The following DAGLB variants were observed in gnomAD, a reference collection of about 807,000 sequenced individuals.
DAGLB encodes the protein diacylglycerol lipase beta.
DAGLB carries 66 observed loss-of-function variants against 72.1 expected under a neutral mutation model. The observed-to-expected ratio is 0.92, with a 90% CI of 0.75 to 1.12. The LOEUF is 1.12. Among genes scored for constraint, DAGLB ranks in the 50% most tolerant of loss-of-function variants. The probability of loss-of-function intolerance (pLI) is 0.00; values close to 1 mark genes in which losing one functional copy is unlikely to be tolerated. For missense variants in DAGLB, 1,065 were observed against 884.9 expected (o/e 1.20, Z -2.58); for synonymous variants, 414 against 359.5 (o/e 1.15, Z -1.71).
chr7:6,436,672 G>A, intron 2 of DAGLB, 139 bp from the exon 3 acceptor site: 1 of 1,004,884 alleles, frequency 1.0e-6, no homozygotes, highest in Non-Finnish European at 1.5e-6. Flanking sequence ...CTTATAATTG[G>A]TAATCAGCAC....
intron 9 of DAGLB, among the ~76,000 whole-genome samples, chr7:6,420,899 AC>A (rs1383983796): frequency 6.6e-6 from 1 of 152,132 alleles, no homozygotes; most frequent in African/African-American, 2.4e-5. Context: ...TATGTGAATG[AC>A]CCGGCAGAGC....
At chr7:6,425,574 G>T (rs972136488) in intron 7 of DAGLB, among the ~76,000 whole-genome samples, 1 of 152,088 alleles carries the variant, frequency 6.6e-6, no homozygotes, top group African/African-American at 2.4e-5. Context: ...CCGGCCCACA[G>T]CTGGCTTTTG....
At chr7:6,428,898 G>C (rs1390597783) in intron 6 of DAGLB, among the ~76,000 whole-genome samples, 1 of 152,010 alleles carries the variant, frequency 6.6e-6, no homozygotes, top group Non-Finnish European at 1.5e-5. Context: ...TCAGCCTCCT[G>C]GGCTCAAGTG....
At chr7:6,425,614 C>A (rs113725492) in intron 7 of DAGLB, among the ~76,000 whole-genome samples, 3 of 152,162 alleles carry the variant, frequency 2.0e-5, no homozygotes, top group Admixed American at 6.6e-5. Context: ...AGTGACCCCC[C>A]CAGAGTGCCA....
intron 1 of DAGLB, among the ~76,000 whole-genome samples, chr7:6,447,056 C>A (rs973114083): frequency 2.6e-5 from 4 of 152,294 alleles, no homozygotes; most frequent in Admixed American, 2.6e-4. Context: ...CCAGGTTGGT[C>A]TCAAACTCCT....
chr7:6,425,333 G>C (rs994990234), intron 7 of DAGLB, among the ~76,000 whole-genome samples: 1 of 152,024 alleles, frequency 6.6e-6, no homozygotes, highest in Non-Finnish European at 1.5e-5. Context: ...GTGCAATGGC[G>C]CAATCTCAAC....
intron 8 of DAGLB, chr7:6,422,492 G>C (rs559820232): frequency 5.0e-5 from 8 of 159,534 alleles, no homozygotes; most frequent in African/African-American, 1.9e-4. Flanking sequence ...GGAGGCTGCT[G>C]GGTAAAGCAC....
chr7:6,410,159 G>A lies in DAGLB; in HGVS notation c.1791C>T (p.Ile597=). The stretch of plus-strand genomic sequence containing the variant: ...CCGAGGCGCCCTCCTCCTGCAGGTG[G>A]ATGATCCTGCCGGGAGGGTAGAGAG... ...YPPLYPPGRI[I]HLQEEGASGR... Residue 597 remains isoleucine (I), a synonymous_variant, in exon 14 of 15, where the codon ATC becomes ATT. Transcript: ENST00000297056. 2 of 1,579,282 alleles carry A rather than the reference G, an allele frequency of 1.3e-6. No homozygotes were observed. Among genetic ancestry groups the A allele is most frequent in the Non-Finnish European group, 1.7e-6 (2 of 1,159,618 alleles).
intron 2 of DAGLB, 114 bp from the exon 3 acceptor site, chr7:6,436,647 T>A: frequency 1.5e-6 from 2 of 1,313,868 alleles, no homozygotes; most frequent in Non-Finnish European, 2.1e-6. Context: ...CACACCCGCC[T>A]CCTGACTTTT....
chr7:6,422,694 T>A (rs372496421), intron 8 of DAGLB: 6 of 152,514 alleles, frequency 3.9e-5, no homozygotes, highest in African/African-American at 1.4e-4. Flanking sequence ...TGGGTATTCA[T>A]GGACACAAAG....
At chr7:6,445,922 T>A (rs1784984992) in intron 2 of DAGLB, 31 bp downstream of exon 2, 1 of 1,556,132 alleles carries the variant, frequency 6.4e-7, no homozygotes, top group Non-Finnish European at 8.7e-7. Context: ...TATAAAAAAA[T>A]AGGTATCAAA....
At chr7:6,442,247 TGGA>T (rs968734453) in intron 2 of DAGLB, among the ~76,000 whole-genome samples, 1 of 152,078 alleles carries the variant, frequency 6.6e-6, no homozygotes, top group African/African-American at 2.4e-5. Flanking sequence ...GGGTTCTGTT[TGGA>T]GGAGGCTGTG....
chr7:6,426,684 C>T (rs543281560), intron 6 of DAGLB, among the ~76,000 whole-genome samples: 7 of 152,302 alleles, frequency 4.6e-5, no homozygotes, highest in Middle Eastern at 6.8e-3. Flanking sequence ...CAAGGATGGG[C>T]AAGTCCCTAA....
At chr7:6,445,785 G>T in intron 2 of DAGLB, 168 bp downstream of exon 2, 1 of 739,814 alleles carries the variant, frequency 1.4e-6, no homozygotes. Context: ...TCTTTCAGGA[G>T]TGAAGAAAAT....
At chr7:6,445,767 A>T (rs903033530) in intron 2 of DAGLB, 186 bp downstream of exon 2, 3 of 622,250 alleles carry the variant, frequency 4.8e-6, no homozygotes, top group Non-Finnish European at 7.6e-6. Context: ...CCCGCCTGGT[A>T]CAGGATTTCT....
At chr7:6,425,731 G>A (rs753620527) in intron 7 of DAGLB, among the ~76,000 whole-genome samples, 7 of 152,200 alleles carry the variant, frequency 4.6e-5, no homozygotes, top group East Asian at 1.9e-4. Flanking sequence ...CTCAACAGAA[G>A]GGCGAGGTAA....
At position 6,444,512 on chromosome 7, in the gene DAGLB, G is replaced by T. The variant is rs983846672; in HGVS notation, c.247+1441C>A. On this transcript the variant is annotated intron_variant, in intron 2 of 14. Coordinates refer to ENST00000297056, the MANE Select transcript of DAGLB (RefSeq NM_139179.4). Reference sequence around the variant, plus strand: ...AGCTACATGGGAGGCTGAGGCACAAGAATCACTTGAACCCAGGAGACGGAG... The same window carrying T: ...AGCTACATGGGAGGCTGAGGCACAATAATCACTTGAACCCAGGAGACGGAG... Among the ~76,000 whole-genome samples, 165 of 152,272 alleles carry T rather than the reference G, an allele frequency of 1.1e-3. 1 individual carries two copies. Among genetic ancestry groups the T allele is most frequent in the African/African-American group, 3.7e-3 (155 of 41,554 alleles).
chr7:6,435,151 G>A (rs958461701), intron 3 of DAGLB, 131 bp from the exon 4 acceptor site: 4 of 1,364,550 alleles, frequency 2.9e-6, no homozygotes, highest in Non-Finnish European at 4.0e-6. Flanking sequence ...GGAAGATGCA[G>A]CTCTCCTGGA....
At chr7:6,436,286 C>G (rs1223752331) in intron 3 of DAGLB, 76 bp downstream of exon 3, 8 of 1,519,384 alleles carry the variant, frequency 5.3e-6, no homozygotes, top group African/African-American at 1.4e-5. Context: ...ACGCTGGACT[C>G]TCTGTCATGT....
Sources: allele counts gnomAD v4.1 joint callset (sites outside exome capture counted in the v4.1 genomes callset), GRCh38; gene constraint gnomAD v4.1.1; transcripts MANE v1.5; gene names NCBI Gene and HGNC (gene_info 2026-07-23, HGNC 2026-07-21).